Variants in PARK7 observed in about 807,000 individuals in gnomAD.
PARK7 encodes the protein Parkinson disease protein 7.
PARK7 carries 14 observed loss-of-function variants against 20.5 expected under a neutral mutation model. That is an observed-to-expected ratio of 0.68 (90% CI 0.45 to 1.07). PARK7 has a LOEUF of 1.07. Ranked by LOEUF, PARK7 falls within the 50% of genes least tolerant of loss-of-function variation. The pLI is 0.00. For missense variants in PARK7, 234 were observed against 238.1 expected, an observed-to-expected ratio of 0.98 and a Z score of 0.11; for synonymous variants, 98 against 84.3, an observed-to-expected ratio of 1.16 and a Z score of -0.89.
chr1:7,968,062 C>CACTTTGGG (rs990426487), intron 3 of PARK7, among the ~76,000 whole-genome samples: 1 of 151,946 alleles, frequency 6.6e-6, no homozygotes, highest in African/African-American at 2.4e-5. Flanking sequence ...GTAATCCCAG[C>CACTTTGGG]ACTTTGGGAG....
intron 2 of PARK7, among the ~76,000 whole-genome samples, chr1:7,963,618 G>A (rs536496242): frequency 1.1e-4 from 17 of 151,652 alleles, no homozygotes; most frequent in South Asian, 1.0e-3. Context: ...CAAGTGACCC[G>A]CCCGCCTTAG....
intron 1 of PARK7, chr1:7,962,232 A>G (rs891480388): frequency 2.6e-5 from 4 of 153,624 alleles, no homozygotes; most frequent in Non-Finnish European, 5.8e-5. Flanking sequence ...GTCATTAAAA[A>G]AAGTGTTCAG....
chr1:7,982,478 C>T (rs575615539), intron 6 of PARK7, among the ~76,000 whole-genome samples: 2 of 152,322 alleles, frequency 1.3e-5, no homozygotes, highest in East Asian at 3.9e-4. Context: ...TCTGTCTTCG[C>T]CACTAGGTGG....
chr1:7,976,821 C>T (rs1045169890), intron 5 of PARK7, among the ~76,000 whole-genome samples: 2 of 152,096 alleles, frequency 1.3e-5, no homozygotes, highest in African/African-American at 2.4e-5. Context: ...CCCGGGTTCA[C>T]CCCATTCTCC....
intron 2 of PARK7, 59 bp downstream of exon 2, chr1:7,962,934 C>T (rs912743598): frequency 1.3e-5 from 17 of 1,336,528 alleles, no homozygotes; most frequent in Non-Finnish European, 1.8e-5. Context: ...ATTTTTAAAT[C>T]ATTTTGAATA....
chr1:7,985,486 A>G lies in PARK7; in HGVS notation c.*432A>G. On this transcript the variant is annotated 3_prime_UTR_variant, in exon 7 of 7. Coordinates refer to ENST00000338639, the MANE Select transcript of PARK7 (RefSeq NM_007262.5). ...ATTAGCTGTGTGTTTTTAATGTGCT[A>G]TTAAAAAATACCAATGAGGGCTGGG... 1 of 261,290 alleles carries G rather than the reference A, an allele frequency of 3.8e-6. No homozygotes were observed. Among genetic ancestry groups the G allele is most frequent in the Non-Finnish European group, 7.5e-6 (1 of 132,716 alleles). The allele number at this position is 261,290 out of a possible 1,614,324, so 16.2% of individuals were successfully genotyped here. A position where few individuals can be genotyped will look rare whatever the true frequency, so the allele number is the denominator to read the frequency against.
Position 7,979,614 on chromosome 1 carries a change from C to G in PARK7, c.409+1876C>G, listed in dbSNP as rs555880416. Among the ~76,000 whole-genome samples the G allele has an allele frequency of 4.6e-5, 7 of 152,218 alleles. No homozygotes were observed. The East Asian group carries it at 1.4e-3, about 29-fold the overall frequency. ...CTCTTGGGATCAGGCAATCCTCTCA[C>G]CTCAGCCTCCCGAGTAGCTGGAACT... On this transcript the variant is annotated intron_variant, in intron 6 of 6. Coordinates refer to ENST00000338639, the MANE Select transcript of PARK7 (RefSeq NM_007262.5).
intron 6 of PARK7, among the ~76,000 whole-genome samples, chr1:7,980,167 A>AG (rs1245959746): frequency 3.3e-5 from 5 of 151,580 alleles, no homozygotes; most frequent in Admixed American, 6.6e-5. Flanking sequence ...TCTCAAAAAA[A>AG]AAAAAAAAAA....
At chr1:7,964,505 A>G (rs1578091254) in intron 2 of PARK7, among the ~76,000 whole-genome samples, 1 of 152,332 alleles carries the variant, frequency 6.6e-6, no homozygotes, top group African/African-American at 2.4e-5. Flanking sequence ...CAATCTACCC[A>G]TTCCTCTAAT....
In PARK7 at chr1:7,984,299, C is replaced by T. The variant is rs1403215645; in HGVS notation, c.410-595C>T. Among the ~76,000 whole-genome samples the T allele has an allele frequency of 2.6e-5, 4 of 152,158 alleles. No individual in the cohort carries two copies. The highest frequency in any genetic ancestry group is 4.8e-5 in the African/African-American group (2 of 41,424). ...AGGGGCAGAGCTCAGGGCATCCATG[C>T]TTAAGAGTCCCAGTTTTGGTATTAT... On this transcript the variant is annotated intron_variant, in intron 6 of 6. Transcript: ENST00000338639. The surrounding 1 kb of genome is among the most constrained non-coding windows in gnomAD (Gnocchi z 4.3).
rs945810342 is a variant in PARK7, at chr1:7,984,529, G to A, written c.410-365G>A. 6.6e-6 allele frequency among the ~76,000 whole-genome samples: 1 copy of A among 152,174 alleles called. No homozygotes were observed. Among genetic ancestry groups the A allele is most frequent in the Non-Finnish European group, 1.5e-5 (1 of 68,034 alleles). On this transcript the variant is annotated intron_variant, in intron 6 of 6. Coordinates refer to ENST00000338639, the MANE Select transcript of PARK7 (RefSeq NM_007262.5). The surrounding 1 kb of genome is among the most constrained non-coding windows in gnomAD (Gnocchi z 4.3). Reference sequence around the variant, plus strand: ...GATTGGGGTGGCTTCTGCGTTCAGCGCTGCCGCATCCCTTCACCCTTCCCC... The same window carrying A: ...GATTGGGGTGGCTTCTGCGTTCAGCACTGCCGCATCCCTTCACCCTTCCCC...
chr1:7,965,223 C>G, intron 2 of PARK7, 101 bp from the exon 3 acceptor site: 1 of 1,065,304 alleles, frequency 9.4e-7, no homozygotes, highest in Non-Finnish European at 1.4e-6. Flanking sequence ...GCCCAGGTGA[C>G]AGGGTGAGAC....
At chr1:7,969,091 G>C (rs1640394480) in intron 3 of PARK7, 1 of 434,648 alleles carries the variant, frequency 2.3e-6, no homozygotes, top group African/African-American at 2.0e-5. Flanking sequence ...ACAGGAAGGA[G>C]ATTATACTAC....
chr1:7,977,580 A>G, intron 5 of PARK7, 72 bp from the exon 6 acceptor site: 2 of 1,341,296 alleles, frequency 1.5e-6, no homozygotes, highest in South Asian at 2.4e-5. Context: ...CCACTGTGCC[A>G]GGCACTATTG....
Position 7,984,033 on chromosome 1 carries a change from G to GTACCTAAT in PARK7, c.410-860_410-859insACCTAATT, listed in dbSNP as rs1393634302. ...CAATAGAGGTACCTAATTTGGGGAG[G>GTACCTAAT]TGGGGGTGGTCACAGATACCCTCTC... is the stretch of plus-strand genomic sequence containing the variant. On this transcript the variant is annotated intron_variant, in intron 6 of 6. Coordinates refer to ENST00000338639, the MANE Select transcript of PARK7 (RefSeq NM_007262.5). This position sits in a 1 kb window ranked among gnomAD's most constrained non-coding sequence, Gnocchi z 4.3. 2.6e-5 allele frequency among the ~76,000 whole-genome samples: 4 copies of GTACCTAAT among 152,200 alleles called. No homozygotes were observed. Among genetic ancestry groups the GTACCTAAT allele is most frequent in the African/African-American group, 9.7e-5 (4 of 41,444 alleles).
chr1:7,980,149 A>G (rs914834279), intron 6 of PARK7, among the ~76,000 whole-genome samples: 4 of 134,614 alleles, frequency 3.0e-5, no homozygotes, highest in African/African-American at 1.1e-4. Context: ...CAACAGAGTG[A>G]GACTCCATCT....
rs1460636758 is a variant in PARK7 at position 7,981,685 on chromosome 1, GTC to G, written c.410-3201_410-3200del. On this transcript the variant is annotated intron_variant, in intron 6 of 6. Coordinates refer to ENST00000338639, the MANE Select transcript of PARK7 (RefSeq NM_007262.5). Reference sequence around the variant, plus strand: ...GTTTTTTTTTTTTTTTTGAGACAGAGTCTCTCTCTGTCATCCAGGCTGGAGTA... The same window carrying G: ...GTTTTTTTTTTTTTTTTGAGACAGAGTCTCTCTGTCATCCAGGCTGGAGTA... Among the ~76,000 whole-genome samples the G allele has an allele frequency of 9.6e-5, 14 of 145,468 alleles. 1 individual carries two copies. The East Asian group carries it at 2.0e-3, about 20-fold the overall frequency.
chr1:7,963,819 CTTT>C (rs34787365), intron 2 of PARK7, among the ~76,000 whole-genome samples: 9 of 144,376 alleles, frequency 6.2e-5, no homozygotes, highest in Admixed American at 6.9e-5. Context: ...GCATGTGTGT[CTTT>C]TTTTTTTTTT....
chr1:7,978,486 G>C (rs1183884967), intron 6 of PARK7, among the ~76,000 whole-genome samples: 1 of 150,614 alleles, frequency 6.6e-6, no homozygotes, highest in Non-Finnish European at 1.5e-5. Context: ...TCCGCCTCCC[G>C]GGTTCAAGGG....
Sources: allele counts gnomAD v4.1 joint callset (sites outside exome capture counted in the v4.1 genomes callset), GRCh38; gene constraint gnomAD v4.1.1; non-coding constraint Gnocchi (gnomAD v3.1); transcripts MANE v1.5; gene names NCBI Gene and HGNC (gene_info 2026-07-23, HGNC 2026-07-21).